Variants in TENM1 observed in about 807,000 individuals in gnomAD.
TENM1 encodes teneurin-1.
Under a neutral mutation model 174.8 loss-of-function variants are expected in TENM1, and 35 were observed. The ratio of observed to expected loss-of-function variants is 0.20; its 90% CI spans 0.15 to 0.27. TENM1 has a LOEUF of 0.27. TENM1 is among the 10% of genes least tolerant of loss of function. The pLI, the probability that TENM1 is intolerant of heterozygous loss-of-function variation, is 1.00. For missense variants in TENM1, 1,633 were observed against 2,130.1 expected (o/e 0.77, Z 4.59); for synonymous variants, 781 against 798.7 (o/e 0.98, Z 0.37).
At chrX:124,536,143 A>G (rs962337657) in intron 15 of TENM1, among the ~76,000 whole-genome samples, 16 of 111,418 alleles carry the variant, frequency 1.4e-4, no homozygotes, top group African/African-American at 5.2e-4. Flanking sequence ...TCTAATATCC[A>G]GATATTTTGG....
At chrX:124,602,699 G>A (rs774178826) in intron 11 of TENM1, among the ~76,000 whole-genome samples, 6 of 109,780 alleles carry the variant, frequency 5.5e-5, no homozygotes, top group Non-Finnish European at 9.5e-5. Flanking sequence ...CTATTTTCAC[G>A]GTTTTAATGG....
chrX:124,430,853 CT>C (rs1407295237), intron 23 of TENM1, among the ~76,000 whole-genome samples: 3 of 111,933 alleles, frequency 2.7e-5, no homozygotes, highest in African/African-American at 9.7e-5. Flanking sequence ...TAGCTTATTA[CT>C]TGAACTCCCC....
intron 3 of TENM1, among the ~76,000 whole-genome samples, chrX:124,801,448 C>T (rs1422702682): frequency 9.0e-6 from 1 of 111,611 alleles, no homozygotes; most frequent in Non-Finnish European, 1.9e-5. Context: ...CCAAATCTTC[C>T]TCCATCCCTT....
intron 23 of TENM1, among the ~76,000 whole-genome samples, chrX:124,441,187 G>T (rs1234587622): frequency 9.0e-6 from 1 of 111,560 alleles, no homozygotes; most frequent in Non-Finnish European, 1.9e-5. Flanking sequence ...CAAATAAATG[G>T]CAGAATATGG....
the TENM1 span, among the ~76,000 whole-genome samples, chrX:125,115,870 C>T: frequency 1.9e-5 from 2 of 107,586 alleles, no homozygotes; most frequent in South Asian, 4.1e-4. Context: ...ACTTTCTTCA[C>T]AGAATTACGA....
chrX:124,471,448 CTA>C (rs1347333336), intron 22 of TENM1, among the ~76,000 whole-genome samples: 2 of 33,145 alleles, frequency 6.0e-5, no homozygotes, highest in Non-Finnish European at 9.1e-5. Flanking sequence ...ATATATAGTA[CTA>C]TATATAATAC....
intron 3 of TENM1, among the ~76,000 whole-genome samples, chrX:124,748,396 T>A (rs933027743): frequency 4.5e-5 from 5 of 110,374 alleles, no homozygotes; most frequent in African/African-American, 1.6e-4. Flanking sequence ...AATTTTATTG[T>A]TATGTGTACA....
chrX:124,896,343 A>C (rs920989905), intron 1 of TENM1, 102 bp from the exon 5 acceptor site: 14 of 917,906 alleles, frequency 1.5e-5, no homozygotes, highest in Non-Finnish European at 1.9e-5. Flanking sequence ...ATTGGTAGTA[A>C]TTACGTGTTT....
At chrX:125,162,912 C>T in the TENM1 span, among the ~76,000 whole-genome samples, 1 of 111,185 alleles carries the variant, frequency 9.0e-6, no homozygotes, top group Non-Finnish European at 1.9e-5. Flanking sequence ...TTCCTGAATG[C>T]CCAATTTCAT....
chrX:124,845,999 C>T (rs2056599457), intron 3 of TENM1, among the ~76,000 whole-genome samples: 1 of 110,374 alleles, frequency 9.1e-6, no homozygotes, highest in Admixed American at 9.7e-5. Flanking sequence ...AGAGGGGAGG[C>T]TACTATGGAA....
In TENM1 at chrX:124,652,344, A is replaced by G. The variant is rs778552913; in HGVS notation, c.1369-220T>C. Among the ~76,000 whole-genome samples the G allele has an allele frequency of 1.8e-4, 20 of 111,396 alleles. No homozygotes were observed. In the South Asian group the frequency reaches 7.3e-3, roughly 41 times the overall value. On this transcript the variant is annotated intron_variant, in intron 7 of 31. Transcript: ENST00000422452. ...GAGGCGAGGACAGGAAGATCACTTG[A>G]GCCCAAGGGTTTCAGACCAGCCTGG...
intron 8 of TENM1, among the ~76,000 whole-genome samples, chrX:124,650,854 ACAT>A (rs1468791544): frequency 8.9e-6 from 1 of 112,073 alleles, no homozygotes; most frequent in African/African-American, 3.2e-5. Flanking sequence ...TCTAGGGGAA[ACAT>A]CATCATTTCC....
intron 27 of TENM1, among the ~76,000 whole-genome samples, chrX:124,398,003 C>T (rs983363994): frequency 2.7e-5 from 3 of 109,206 alleles, no homozygotes; most frequent in Non-Finnish European, 5.7e-5. Context: ...CCCAGGCGGG[C>T]GGATCACAAG....
the TENM1 span, among the ~76,000 whole-genome samples, chrX:125,157,946 A>G: frequency 1.8e-5 from 2 of 111,739 alleles, no homozygotes; most frequent in Non-Finnish European, 3.8e-5. Flanking sequence ...CCTGTCTTTC[A>G]AGCCAAATGT....
chrX:124,840,880 C>T (rs958537139), intron 3 of TENM1, among the ~76,000 whole-genome samples: 2 of 111,681 alleles, frequency 1.8e-5, no homozygotes, highest in Non-Finnish European at 3.8e-5. Flanking sequence ...TATAATTTTA[C>T]TTAGACATTA....
intron 4 of TENM1, among the ~76,000 whole-genome samples, chrX:124,728,709 G>A (rs1256964636): frequency 9.0e-6 from 1 of 111,368 alleles, no homozygotes; most frequent in Non-Finnish European, 1.9e-5. Flanking sequence ...TGATGGTACT[G>A]TTATTTATTT....
intron 1 of TENM1, among the ~76,000 whole-genome samples, chrX:124,947,517 A>G (rs2058421070): frequency 8.9e-6 from 1 of 112,112 alleles, no homozygotes; most frequent in Admixed American, 9.5e-5. Context: ...GCTAAATATT[A>G]CAGGGTTATT....
the TENM1 span, among the ~76,000 whole-genome samples, chrX:125,158,915 T>A: frequency 2.8e-5 from 3 of 108,804 alleles, no homozygotes; most frequent in African/African-American, 1.0e-4. Flanking sequence ...GGTGGTTGGC[T>A]AGGCAAATAG....
intron 11 of TENM1, among the ~76,000 whole-genome samples, chrX:124,611,124 T>C (rs983805627): frequency 4.2e-4 from 47 of 111,990 alleles, no homozygotes; most frequent in African/African-American, 1.5e-3. Context: ...TTTTCATTCA[T>C]GCTACATGTG....
Sources: gnomAD v4.1 joint callset for allele counts (sites outside exome capture counted in the v4.1 genomes callset) on GRCh38, gnomAD v4.1.1 for gene constraint, MANE v1.5 for transcripts, NCBI Gene and HGNC (gene_info 2026-07-23, HGNC 2026-07-21) for gene names.